RABGEF1: variants seen among roughly 807,000 people sequenced by gnomAD.
RABGEF1 encodes RAB guanine nucleotide exchange factor 1, also known as rab5 GDP/GTP exchange factor.
Under a neutral mutation model 57.3 loss-of-function variants are expected in RABGEF1, and 26 were observed. The observed-to-expected ratio is 0.45, with a 90% CI of 0.33 to 0.63. The LOEUF is 0.63. RABGEF1 is among the 20% of genes least tolerant of loss of function. The pLI, the probability that RABGEF1 is intolerant of heterozygous loss-of-function variation, is 0.02. For synonymous variants in RABGEF1, 185 were observed against 210.7 expected, an observed-to-expected ratio of 0.88 and a Z score of 1.06; for missense variants, 464 against 607.6, an observed-to-expected ratio of 0.76 and a Z score of 2.48.
the RABGEF1 span, among the ~76,000 whole-genome samples, chr7:66,656,678 G>T: frequency 2.0e-5 from 3 of 152,100 alleles, no homozygotes; most frequent in South Asian, 6.2e-4. Flanking sequence ...AAATTAGCCG[G>T]CTGTGATGGC....
At chr7:66,726,762 G>T (rs1459249974) in intron 2 of RABGEF1, among the ~76,000 whole-genome samples, 1 of 152,140 alleles carries the variant, frequency 6.6e-6, no homozygotes, top group Non-Finnish European at 1.5e-5. Context: ...CCAACCCTTT[G>T]GGAGGCTGAG....
At chr7:66,790,929 A>G (rs145908846) in intron 4 of RABGEF1, among the ~76,000 whole-genome samples, 10 of 152,338 alleles carry the variant, frequency 6.6e-5, no homozygotes, top group South Asian at 4.1e-4. Flanking sequence ...AAATGAACAA[A>G]ATGTCTTTGG....
chr7:66,687,466 A>G (rs1277776606), intron 1 of RABGEF1, among the ~76,000 whole-genome samples: 1 of 146,066 alleles, frequency 6.8e-6, no homozygotes, highest in African/African-American at 2.5e-5. Flanking sequence ...AGAGAAGTAA[A>G]TTTCTGTTGT....
the RABGEF1 span, among the ~76,000 whole-genome samples, chr7:66,658,322 C>T: frequency 6.6e-6 from 1 of 152,068 alleles, no homozygotes; most frequent in Admixed American, 6.6e-5. Context: ...CACCTGAGAT[C>T]AGGAGTTCAA....
intron 1 of RABGEF1, among the ~76,000 whole-genome samples, chr7:66,695,537 C>G (rs908799064): frequency 2.0e-5 from 3 of 152,174 alleles, no homozygotes; most frequent in African/African-American, 7.2e-5. Flanking sequence ...CCTGTCTGTC[C>G]ATCCATCTGG....
intron 7 of RABGEF1, among the ~76,000 whole-genome samples, chr7:66,799,777 A>G (rs1290491159): frequency 6.6e-6 from 1 of 152,114 alleles, no homozygotes; most frequent in Non-Finnish European, 1.5e-5. Context: ...TATATATTCA[A>G]AATAATTTTG....
upstream of RABGEF1, among the ~76,000 whole-genome samples, chr7:66,681,479 C>G (rs117015032): frequency 0.12 from 17,895 of 150,834 alleles, 1,230 homozygotes; most frequent in East Asian, 0.19. Flanking sequence ...TCTCTGCACC[C>G]TCAACTTCCT....
intron 1 of RABGEF1, among the ~76,000 whole-genome samples, chr7:66,760,584 C>T (rs1804068308): frequency 6.6e-6 from 1 of 151,958 alleles, no homozygotes; most frequent in African/African-American, 2.4e-5. Context: ...ACTGGGACTA[C>T]AGGTGCATGC....
chr7:66,790,926 C>A (rs1812502927), intron 4 of RABGEF1, among the ~76,000 whole-genome samples: 3 of 152,184 alleles, frequency 2.0e-5, no homozygotes, highest in African/African-American at 7.2e-5. Context: ...TTTAAATGAA[C>A]AAAATGTCTT....
chr7:66,742,986 G>T (rs552709492), intron 1 of RABGEF1, among the ~76,000 whole-genome samples: 1 of 152,258 alleles, frequency 6.6e-6, no homozygotes, highest in East Asian at 1.9e-4. Context: ...ACCAGGGGAA[G>T]TTTTTTAGCT....
At chr7:66,760,289 T>C (rs547286701) in intron 1 of RABGEF1, among the ~76,000 whole-genome samples, 1 of 152,344 alleles carries the variant, frequency 6.6e-6, no homozygotes, top group East Asian at 1.9e-4. Flanking sequence ...GTATGTGACC[T>C]TTTAAGATGC....
intron 7 of RABGEF1, 113 bp downstream of exon 7, chr7:66,799,527 A>G: frequency 1.2e-6 from 1 of 848,464 alleles, no homozygotes. Flanking sequence ...GTACATTGGA[A>G]TGTAGTAAAA....
the RABGEF1 span, among the ~76,000 whole-genome samples, chr7:66,664,794 CAG>C: frequency 1.3e-5 from 2 of 152,208 alleles, no homozygotes; most frequent in Non-Finnish European, 2.9e-5. Flanking sequence ...GTCAGGGAGT[CAG>C]GGGTCACCTC....
At chr7:66,706,463 G>A (rs2117325094) in intron 1 of RABGEF1, among the ~76,000 whole-genome samples, 1 of 152,192 alleles carries the variant, frequency 6.6e-6, no homozygotes, top group East Asian at 1.9e-4. Context: ...AGGCTGGAGT[G>A]CAGTGGTGTG....
the RABGEF1 span, among the ~76,000 whole-genome samples, chr7:66,665,754 T>A: frequency 1.3e-5 from 2 of 152,080 alleles, no homozygotes; most frequent in African/African-American, 4.8e-5. Context: ...TGTTGTAGCT[T>A]GGGGGGTGGC....
intron 1 of RABGEF1, among the ~76,000 whole-genome samples, chr7:66,751,167 A>C (rs1023093508): frequency 2.6e-5 from 4 of 152,106 alleles, no homozygotes; most frequent in African/African-American, 9.7e-5. Flanking sequence ...AGTAGCTGGA[A>C]TTACAGACGT....
rs1276453163 is a variant in RABGEF1 at position 66,797,431 on chromosome 7, G to A, written c.653G>A (p.Arg218His). 24 of 1,611,520 alleles carry A rather than the reference G, an allele frequency of 1.5e-5. No individual in the cohort carries two copies. The highest frequency in any genetic ancestry group is 2.2e-5 in the East Asian group (1 of 44,864). ...CAGATTGAAAAGTACATCATGACTC[G>A]TCTCTATAAATATGTATTCTGTCCA... ...MDQIEKYIMT[R>H]LYKYVFCPET... The change falls in exon 6 of 9, where the codon CGT becomes CAT. Residue 218 changes from arginine (R) to histidine (H), a missense_variant. Arg to His is a conservative substitution (Grantham distance 29). Around this residue, in one of 4 missense-constraint regions of RABGEF1, gnomAD observed 284 missense variants for 389.9 expected, o/e 0.73. Transcript: ENST00000284957.
At chr7:66,714,850 G>T (rs563000834) in intron 2 of RABGEF1, among the ~76,000 whole-genome samples, 1 of 152,324 alleles carries the variant, frequency 6.6e-6, no homozygotes, top group Admixed American at 6.5e-5. Flanking sequence ...CAGGAGAATG[G>T]TGTGAACCCG....
chr7:66,744,041 C>CTT (rs111338333), intron 1 of RABGEF1, among the ~76,000 whole-genome samples: 8 of 95,008 alleles, frequency 8.4e-5, no homozygotes, highest in African/African-American at 2.0e-4. Flanking sequence ...CTTTTCTTTT[C>CTT]TTTTTTTTTT....
Sources: allele counts gnomAD v4.1 joint callset (sites outside exome capture counted in the v4.1 genomes callset), GRCh38; gene constraint gnomAD v4.1.1; regional missense constraint gnomAD v4.1.1; transcripts MANE v1.5; gene names NCBI Gene and HGNC (gene_info 2026-07-23, HGNC 2026-07-21).